Variants in PRELID2 observed in about 807,000 individuals in gnomAD.
PRELID2 encodes the protein PRELI domain containing 2, also known as PRELI domain-containing protein 2.
A neutral mutation model predicts 28.4 loss-of-function variants in PRELID2; 25 were observed. The observed-to-expected ratio is 0.88, with a 90% CI of 0.64 to 1.23. The LOEUF is 1.23. PRELID2 is among the 50% of genes most tolerant of loss of function. PRELID2 has a pLI of 0.00. For missense variants in PRELID2, 201 were observed against 214.4 expected (o/e 0.94, Z 0.39); for synonymous variants, 76 against 71.6 (o/e 1.06, Z -0.31).
the PRELID2 span, among the ~76,000 whole-genome samples, chr5:145,357,932 A>C: frequency 6.7e-6 from 1 of 149,720 alleles, no homozygotes; most frequent in Non-Finnish European, 1.5e-5. Context: ...TTTTGGATTA[A>C]TATTCTTTGG....
intron 1 of PRELID2, among the ~76,000 whole-genome samples, chr5:145,621,074 C>A (rs1321440504): frequency 2.6e-5 from 4 of 152,100 alleles, no homozygotes; most frequent in African/African-American, 9.7e-5. Context: ...GTAAATAACT[C>A]TTACTACTCA....
the PRELID2 span, among the ~76,000 whole-genome samples, chr5:145,273,829 C>G: frequency 6.6e-6 from 1 of 152,116 alleles, no homozygotes; most frequent in African/African-American, 2.4e-5. Flanking sequence ...GGCAGGGAAA[C>G]AAGCCCTATG....
At chr5:145,405,536 C>A in the PRELID2 span, among the ~76,000 whole-genome samples, 2 of 151,928 alleles carry the variant, frequency 1.3e-5, no homozygotes, top group South Asian at 2.1e-4. Flanking sequence ...ACCTCCAGTT[C>A]CCTTCATGTG....
At chr5:145,334,749 A>G in the PRELID2 span, among the ~76,000 whole-genome samples, 1 of 150,676 alleles carries the variant, frequency 6.6e-6, no homozygotes, top group South Asian at 2.1e-4. Context: ...AGCTTTGCCA[A>G]GCATAGTATT....
the PRELID2 span, among the ~76,000 whole-genome samples, chr5:145,278,888 A>C: frequency 6.6e-6 from 1 of 152,144 alleles, no homozygotes; most frequent in African/African-American, 2.4e-5. Context: ...TCTAGAGTTG[A>C]GGAAATATAC....
At chr5:145,328,017 A>G in the PRELID2 span, among the ~76,000 whole-genome samples, 1 of 151,566 alleles carries the variant, frequency 6.6e-6, no homozygotes, top group Non-Finnish European at 1.5e-5. Flanking sequence ...TCCCACTTAC[A>G]AGTGAGAACA....
chr5:145,763,123 T>C (rs964881520), intron 6 of PRELID2, among the ~76,000 whole-genome samples: 2 of 152,240 alleles, frequency 1.3e-5, no homozygotes, highest in African/African-American at 4.8e-5. Context: ...TGAAGACCAA[T>C]AGGTGTATAC....
At chr5:145,764,100 C>T (rs368833069) in intron 6 of PRELID2, among the ~76,000 whole-genome samples, 17 of 151,844 alleles carry the variant, frequency 1.1e-4, no homozygotes, top group African/African-American at 3.6e-4. Flanking sequence ...CTCAAACAAA[C>T]AAAAACAAAA....
chr5:145,418,482 A>G, the PRELID2 span, among the ~76,000 whole-genome samples: 1 of 152,184 alleles, frequency 6.6e-6, no homozygotes, highest in Non-Finnish European at 1.5e-5. Context: ...AACCAACTTC[A>G]AACTATACTA....
At chr5:145,780,115 C>A (rs891319440) in intron 5 of PRELID2, among the ~76,000 whole-genome samples, 1 of 152,152 alleles carries the variant, frequency 6.6e-6, no homozygotes, top group Non-Finnish European at 1.5e-5. Flanking sequence ...GAGTTCAAGA[C>A]CAGACTGGCC....
chr5:145,282,434 CT>C, the PRELID2 span, among the ~76,000 whole-genome samples: 1 of 151,848 alleles, frequency 6.6e-6, no homozygotes, highest in East Asian at 1.9e-4. Context: ...TAAATGGAAT[CT>C]TTTGTCTGAT....
chr5:145,707,250 T>C (rs985116025), intron 1 of PRELID2, among the ~76,000 whole-genome samples: 8 of 152,234 alleles, frequency 5.3e-5, no homozygotes, highest in Non-Finnish European at 8.8e-5. Flanking sequence ...TTGCAGTGAG[T>C]GGCAGAGTCA....
the PRELID2 span, among the ~76,000 whole-genome samples, chr5:145,336,040 A>T: frequency 1.3e-5 from 2 of 152,134 alleles, no homozygotes; most frequent in Non-Finnish European, 2.9e-5. Context: ...TGAGCATTTT[A>T]TCATGTGTCT....
At chr5:145,438,838 C>T in the PRELID2 span, among the ~76,000 whole-genome samples, 1 of 152,098 alleles carries the variant, frequency 6.6e-6, no homozygotes, top group African/African-American at 2.4e-5. Flanking sequence ...CTTCTGCCTC[C>T]TCTTTAAAGC....
At chr5:145,371,099 C>A in the PRELID2 span, among the ~76,000 whole-genome samples, 1 of 152,018 alleles carries the variant, frequency 6.6e-6, no homozygotes, top group African/African-American at 2.4e-5. Flanking sequence ...TCTGAATACC[C>A]TTTATTTCTT....
chr5:145,713,595 T>TTATA, intron 1 of PRELID2, among the ~76,000 whole-genome samples: 10 of 135,006 alleles, frequency 7.4e-5, no homozygotes, highest in African/African-American at 2.2e-4. Flanking sequence ...TATATATACT[T>TTATA]TATATACATA....
At chr5:145,563,072 C>T (rs1561506841) in intron 1 of PRELID2, among the ~76,000 whole-genome samples, 1 of 152,214 alleles carries the variant, frequency 6.6e-6, no homozygotes, top group African/African-American at 2.4e-5. Flanking sequence ...TAATGTGGCT[C>T]ATGCTGACTC....
chr5:145,682,095 A>T (rs2149689616), intron 1 of PRELID2, among the ~76,000 whole-genome samples: 1 of 152,356 alleles, frequency 6.6e-6, no homozygotes, highest in Middle Eastern at 3.4e-3. Context: ...GAATAAAATT[A>T]TGCAGGAGTG....
chr5:145,234,721 G>C, the PRELID2 span, among the ~76,000 whole-genome samples: 2 of 152,042 alleles, frequency 1.3e-5, no homozygotes, highest in African/African-American at 4.8e-5. Flanking sequence ...ATCCAAACCA[G>C]TAGACTAAAC....
Sources: gnomAD v4.1 joint callset for allele counts (sites outside exome capture counted in the v4.1 genomes callset) on GRCh38, gnomAD v4.1.1 for gene constraint, MANE v1.5 for transcripts, NCBI Gene and HGNC (gene_info 2026-07-23, HGNC 2026-07-21) for gene names.